DCP1A: variants seen among roughly 807,000 people sequenced by gnomAD.
The protein encoded by DCP1A is decapping mRNA 1A.
Under a neutral mutation model 58.0 loss-of-function variants are expected in DCP1A, and 20 were observed. The observed-to-expected ratio is 0.34, with a 90% confidence interval of 0.24 to 0.50. The LOEUF (loss-of-function observed/expected upper bound fraction) is 0.50, where lower values mean the gene tolerates loss of function less well. Ranked by LOEUF, DCP1A falls within the 20% of genes least tolerant of loss-of-function variation. The pLI, the probability that DCP1A is intolerant of heterozygous loss-of-function variation, is 0.98. For missense variants in DCP1A, 613 were observed against 712.2 expected (o/e 0.86, Z 1.59); for synonymous variants, 285 against 275.1 (o/e 1.04, Z -0.36).
intron 3 of DCP1A, among the ~76,000 whole-genome samples, chr3:53,325,229 T>C (rs781851492): frequency 6.6e-6 from 1 of 152,184 alleles, no homozygotes; most frequent in African/African-American, 2.4e-5. Context: ...CCAAATTAAT[T>C]TGGTATCTTC....
chr3:53,309,308 T>C (rs545221565), intron 5 of DCP1A, among the ~76,000 whole-genome samples: 3 of 151,328 alleles, frequency 2.0e-5, no homozygotes, highest in South Asian at 2.1e-4. Flanking sequence ...GAGGTGGAGG[T>C]TGCAGTGAGT....
intron 6 of DCP1A, among the ~76,000 whole-genome samples, chr3:53,295,420 A>G (rs1331662551): frequency 6.6e-6 from 1 of 152,256 alleles, no homozygotes; most frequent in Non-Finnish European, 1.5e-5. Context: ...GACCATGGAT[A>G]CAAAAAAATA....
intron 6 of DCP1A, among the ~76,000 whole-genome samples, chr3:53,297,351 C>T (rs1293215211): frequency 2.7e-5 from 4 of 150,862 alleles, no homozygotes; most frequent in Non-Finnish European, 5.9e-5. Context: ...GAAAACAACA[C>T]TAATTCTTTT....
rs1278339079 is a variant in DCP1A at position 53,322,453 on chromosome 3, GA to G, written c.305-2981del. 5.7e-4 allele frequency among the ~76,000 whole-genome samples: 74 copies of G among 130,330 alleles called. 1 individual carries two copies. Among genetic ancestry groups the G allele is most frequent in the South Asian group, 9.6e-4 (4 of 4,160 alleles). The allele number at this position is 130,330 out of a possible 152,430, so 85.5% of individuals were successfully genotyped here. ...GCAACAAGAGTGAAACTCTGTCTCA[GA>G]AAAAAAAAAAAATTATATATATATA... On this transcript the variant is annotated intron_variant, in intron 3 of 9. Coordinates refer to ENST00000610213, the MANE Select transcript of DCP1A (RefSeq NM_018403.7).
rs1368813868 is a variant in DCP1A, at chr3:53,307,924, T to G, written c.511-3634A>C. ...AAGGAAAAATACACAGCTATAAATA[T>G]CAGTTTTTTCAAAAACTTCATTCTA... On this transcript the variant is annotated intron_variant, in intron 5 of 9. Coordinates refer to ENST00000610213, the MANE Select transcript of DCP1A (RefSeq NM_018403.7). Among the ~76,000 whole-genome samples, 4 of 152,188 alleles carry G rather than the reference T, an allele frequency of 2.6e-5. No homozygotes were observed. In the South Asian group the frequency reaches 6.2e-4, roughly 24 times the overall value.
chr3:53,339,282 T>C (rs2089165873), intron 3 of DCP1A, among the ~76,000 whole-genome samples: 3 of 152,216 alleles, frequency 2.0e-5, no homozygotes, highest in Admixed American at 2.0e-4. Context: ...TTTAAATACT[T>C]TCCCTAATGA....
intron 4 of DCP1A, among the ~76,000 whole-genome samples, chr3:53,315,757 GTT>G (rs1359300693): frequency 4.6e-5 from 5 of 109,870 alleles, no homozygotes; most frequent in South Asian, 6.2e-4. Context: ...TTTTTTTTTT[GTT>G]TTTTTTTTTT....
intron 6 of DCP1A, among the ~76,000 whole-genome samples, chr3:53,299,071 C>T (rs1280678523): frequency 5.3e-5 from 8 of 152,170 alleles, no homozygotes; most frequent in Admixed American, 6.5e-5. Context: ...AGAATGAAAT[C>T]GCCTAATGAC....
rs7647927 is a variant in DCP1A, at chr3:53,287,625, G to A, written c.1704C>T (p.Val568=). 2.5e-6 allele frequency: 4 copies of A among 1,611,990 alleles called. No individual in the cohort carries two copies. Among genetic ancestry groups the A allele is most frequent in the Non-Finnish European group, 3.4e-6 (4 of 1,178,200 alleles). Residue 568 remains valine, a synonymous_variant, in exon 10 of 10, where the codon GTC becomes GTT. Coordinates refer to ENST00000610213, the MANE Select transcript of DCP1A (RefSeq NM_018403.7). ...DSSFLSTLHE[V]YLQVLTKNKD... is the part of the protein sequence containing the mutation. ...TGTTCTTGGTCAGAACCTGCAAGTA[G>A]ACTTCATGAAGTGTACTGAGGAAGC...
intron 8 of DCP1A, 85 bp downstream of exon 8, chr3:53,290,706 G>C: frequency 2.0e-6 from 2 of 1,008,138 alleles, no homozygotes; most frequent in South Asian, 1.4e-5. Context: ...CAAATTCCTT[G>C]TTCTACTCTT....
At chr3:53,304,616 AG>A (rs1164214278) in intron 5 of DCP1A, among the ~76,000 whole-genome samples, 7 of 152,206 alleles carry the variant, frequency 4.6e-5, no homozygotes, top group African/African-American at 1.7e-4. Context: ...TCTGTTGCCC[AG>A]GCTGGACTGC....
At chr3:53,336,845 G>GATTGATTTATTT (rs150269227) in intron 3 of DCP1A, among the ~76,000 whole-genome samples, 23 of 144,212 alleles carry the variant, frequency 1.6e-4, no homozygotes, top group African/African-American at 5.4e-4. Context: ...CCAAAGCCCA[G>GATTGATTTATTT]ATTTATTTAT....
intron 3 of DCP1A, among the ~76,000 whole-genome samples, chr3:53,329,958 A>G (rs1427146595): frequency 6.6e-6 from 1 of 152,218 alleles, no homozygotes; most frequent in Non-Finnish European, 1.5e-5. Context: ...TATGGTGAGA[A>G]TAAGGTTAGG....
chr3:53,332,342 T>C (rs2089021168), intron 3 of DCP1A, among the ~76,000 whole-genome samples: 1 of 152,238 alleles, frequency 6.6e-6, no homozygotes, highest in Non-Finnish European at 1.5e-5. Flanking sequence ...CCTAAGTAAT[T>C]TTTGTTAAAC....
At chr3:53,321,019 T>C (rs1444802007) in intron 3 of DCP1A, among the ~76,000 whole-genome samples, 6 of 152,238 alleles carry the variant, frequency 3.9e-5, no homozygotes, top group Non-Finnish European at 8.8e-5. Context: ...CCTTGCCAGT[T>C]TTGCTGGGCT....
At position 53,293,415 on chromosome 3, in the gene DCP1A, G is replaced by C. The variant is rs895842067; in HGVS notation, c.625-588C>G. On this transcript the variant is annotated intron_variant, in intron 6 of 9. Coordinates refer to ENST00000610213, the MANE Select transcript of DCP1A (RefSeq NM_018403.7). The stretch of plus-strand genomic sequence containing the variant: ...TTATTGATACCATAATCGTTCAAAG[G>C]AAAAACATTCGTGTTTTCCTGTACT... 1.2e-4 allele frequency among the ~76,000 whole-genome samples: 18 copies of C among 152,164 alleles called. No homozygotes were observed. In the Middle Eastern group the frequency reaches 0.01, roughly 86 times the overall value.
At chr3:53,326,010 T>A (rs1256109260) in intron 3 of DCP1A, among the ~76,000 whole-genome samples, 1 of 152,190 alleles carries the variant, frequency 6.6e-6, no homozygotes, top group Non-Finnish European at 1.5e-5. Flanking sequence ...AGAGTCCAAC[T>A]TCTAAAATTT....
At chr3:53,304,419 T>C in intron 5 of DCP1A, 129 bp from the exon 6 acceptor site, 1 of 633,468 alleles carries the variant, frequency 1.6e-6, no homozygotes. Context: ...AACCTCAAAA[T>C]GTTTGCTCTG....
intron 5 of DCP1A, among the ~76,000 whole-genome samples, chr3:53,307,215 T>C (rs1259619566): frequency 3.3e-5 from 5 of 152,044 alleles, no homozygotes; most frequent in African/African-American, 1.2e-4. Context: ...TTCCAAAGTG[T>C]TGGGATTACA....
Sources: allele counts gnomAD v4.1 joint callset (sites outside exome capture counted in the v4.1 genomes callset), GRCh38; gene constraint gnomAD v4.1.1; transcripts MANE v1.5; gene names NCBI Gene and HGNC (gene_info 2026-07-23, HGNC 2026-07-21).